Variants in ANLN observed in about 807,000 individuals in gnomAD.
The protein encoded by ANLN is anillin.
Under a neutral mutation model 135.1 loss-of-function variants are expected in ANLN, and 59 were observed. The observed-to-expected ratio is 0.44, with a 90% CI of 0.35 to 0.54. ANLN has a LOEUF of 0.54. Ranked by LOEUF, ANLN falls within the 20% of genes least tolerant of loss-of-function variation. The pLI is 0.00. For synonymous variants in ANLN, 406 were observed against 456.4 expected (o/e 0.89, Z 1.41); for missense variants, 1,182 against 1,340.0 (o/e 0.88, Z 1.84).
chr7:36,411,294 TA>T (rs1271847166), intron 7 of ANLN, 128 bp downstream of exon 7: 10 of 697,398 alleles, frequency 1.4e-5, no homozygotes, highest in African/African-American at 5.5e-5. Context: ...ACTTTTCGTT[TA>T]TAAATCCCTT....
intron 20 of ANLN, among the ~76,000 whole-genome samples, chr7:36,431,778 A>G (rs1468961073): frequency 6.6e-6 from 1 of 151,798 alleles, no homozygotes; most frequent in East Asian, 1.9e-4. Context: ...AGTTCTGATC[A>G]TAAACCCACT....
Position 36,426,918 on chromosome 7 carries a change from A to G in ANLN, c.2773A>G (p.Met925Val). The G allele has an allele frequency of 6.3e-7, 1 of 1,593,314 alleles. No homozygotes were observed. The highest frequency in any genetic ancestry group is 2.3e-5 in the East Asian group (1 of 44,410). Residue 925 changes from methionine to valine, a missense_variant and splice_region_variant, in exon 20 of 24, where the codon ATG becomes GTG. Physicochemically the swap from Met to Val is conservative, Grantham distance 21. Coordinates refer to ENST00000265748, the MANE Select transcript of ANLN (RefSeq NM_018685.5). ...TTKSNIHSSV[M>V]ASPGGLSAVR... is the part of the protein sequence containing the mutation. ...CTTAATTTCCTCGTTCTTCACAGTC[A>G]TGGCCAGTCCAGGAGGTCTTAGTGC...
At chr7:36,441,688 GAA>G (rs1026927548) in intron 21 of ANLN, among the ~76,000 whole-genome samples, 3 of 152,188 alleles carry the variant, frequency 2.0e-5, no homozygotes, top group Non-Finnish European at 4.4e-5. Flanking sequence ...CTATAGAAAT[GAA>G]AAGGCCGTCC....
chr7:36,410,715 C>G lies in ANLN; in HGVS notation c.1287+11C>G. The G allele has an allele frequency of 6.2e-7, 1 of 1,607,628 alleles. No individual in the cohort carries two copies. Among genetic ancestry groups the G allele is most frequent in the Non-Finnish European group, 8.5e-7 (1 of 1,176,626 alleles). ...CAACAGCTCAAGCAGGTATGGTGTA[C>G]TGCATTTAACATTATTCATCACATG... On this transcript the variant is annotated intron_variant, in intron 6 of 23. Transcript: ENST00000265748.
Position 36,422,808 on chromosome 7 carries a change from A to T in ANLN, c.2475A>T (p.Pro825=), listed in dbSNP as rs776867621. The change falls in exon 14 of 24, where the codon CCA becomes CCT. Residue 825 remains proline (P), a splice_region_variant and synonymous_variant. Coordinates refer to ENST00000265748, the MANE Select transcript of ANLN (RefSeq NM_018685.5). ...TTGTCTGCAGTACGGTTCAGAAACC[A>T]GGTATGGTGGTGATTTTTCTAGATT... The part of the protein sequence containing the change: ...ADFVCSTVQK[P]DAANYYYLII... 1 of 1,597,060 alleles carries T rather than the reference A, an allele frequency of 6.3e-7. No homozygotes were observed. The highest frequency in any genetic ancestry group is 8.5e-7 in the Non-Finnish European group (1 of 1,174,586).
intron 2 of ANLN, among the ~76,000 whole-genome samples, 181 bp downstream of exon 2, chr7:36,396,600 A>G (rs1320809708): frequency 6.6e-6 from 1 of 152,188 alleles, no homozygotes; most frequent in East Asian, 1.9e-4. Context: ...CCTAGAACCT[A>G]TAGGGTTGGA....
chr7:36,449,722 A>G lies in ANLN; in HGVS notation c.3136A>G (p.Asn1046Asp), dbSNP rs764607207. The part of the protein sequence containing the change: ...NCTSRQIEPA[N>D]REFCARRNTF... ...TACCAGTCGTCAGATAGAACCAGCCAACAGAGAATTTTGTGCAAGACGCAA... is the reference window on the plus strand; with the variant it reads ...TACCAGTCGTCAGATAGAACCAGCCGACAGAGAATTTTGTGCAAGACGCAA... The change falls in exon 23 of 24, where the codon AAC becomes GAC. Residue 1046 changes from asparagine (N) to aspartate (D), a missense_variant. Asn to Asp is a conservative substitution (Grantham distance 23). Coordinates refer to ENST00000265748, the MANE Select transcript of ANLN (RefSeq NM_018685.5). 2 of 1,614,152 alleles carry G rather than the reference A, an allele frequency of 1.2e-6. No homozygotes were observed. The highest frequency in any genetic ancestry group is 1.7e-6 in the Non-Finnish European group (2 of 1,179,990).
At chr7:36,416,930 G>C in intron 8 of ANLN, 150 bp from the exon 9 acceptor site, 1 of 508,356 alleles carries the variant, frequency 2.0e-6, no homozygotes, top group East Asian at 3.4e-5. Context: ...GGTGTTCAGG[G>C]AGGGGTGTTT....
intron 5 of ANLN, among the ~76,000 whole-genome samples, chr7:36,409,638 T>A (rs1673323087): frequency 2.0e-5 from 3 of 152,254 alleles, no homozygotes; most frequent in South Asian, 4.1e-4. Flanking sequence ...ACTATTTCAA[T>A]GAGTGCTGTG....
At chr7:36,400,291 C>T (rs957666506) in intron 3 of ANLN, among the ~76,000 whole-genome samples, 1 of 152,134 alleles carries the variant, frequency 6.6e-6, no homozygotes, top group Admixed American at 6.6e-5. Context: ...TTGTGGGAGC[C>T]GATAAACCTA....
At position 36,389,898 on chromosome 7, in the gene ANLN, G is replaced by T; in HGVS notation, c.-129G>T. ...TGGAAGCCGAGAGGAGAGGACAGCTGGTTGTGGGAGAGTTCCCCCGCCTCA... is the reference window on the plus strand; with the variant it reads ...TGGAAGCCGAGAGGAGAGGACAGCTTGTTGTGGGAGAGTTCCCCCGCCTCA... On this transcript the variant is annotated 5_prime_UTR_variant, in exon 1 of 24. Coordinates refer to ENST00000265748, the MANE Select transcript of ANLN (RefSeq NM_018685.5). The T allele has an allele frequency of 1.3e-6, 2 of 1,541,456 alleles. No individual in the cohort carries two copies. The highest frequency in any genetic ancestry group is 1.1e-5 in the South Asian group (1 of 88,852).
At chr7:36,450,215 A>G (rs188126095) in intron 23 of ANLN, among the ~76,000 whole-genome samples, 10 of 152,320 alleles carry the variant, frequency 6.6e-5, no homozygotes, top group African/African-American at 1.7e-4. Flanking sequence ...GTGTAATCAG[A>G]TGACTCACAG....
At chr7:36,418,747 CTTTTTTCTTTT>C (rs1173343500) in intron 9 of ANLN, among the ~76,000 whole-genome samples, 1 of 135,132 alleles carries the variant, frequency 7.4e-6, no homozygotes, top group Non-Finnish European at 1.7e-5. Context: ...TTTTCTTTTT[CTTTTTTCTTTT>C]TTTTTTTTGT....
chr7:36,399,443 CA>C, intron 3 of ANLN, 50 bp downstream of exon 3: 1 of 1,448,866 alleles, frequency 6.9e-7, no homozygotes, highest in South Asian at 1.4e-5. Flanking sequence ...CAATAAGATT[CA>C]GTTTGGTATG....
intron 20 of ANLN, among the ~76,000 whole-genome samples, chr7:36,432,057 A>G (rs1479019858): frequency 6.6e-6 from 1 of 152,090 alleles, no homozygotes; most frequent in Non-Finnish European, 1.5e-5. Flanking sequence ...TTTTTTCATC[A>G]AAGAATAAAA....
In ANLN at chr7:36,407,726, T is replaced by A; in HGVS notation, c.874-8T>A. On this transcript the variant is annotated splice_polypyrimidine_tract_variant and splice_region_variant and intron_variant, in intron 4 of 23. Transcript: ENST00000265748. ...ATGTTGTTTACCCTAAGTGTTTTCA[T>A]GTTTCAGAAAGCTACTTCTCCAGTG... 1 of 1,579,012 alleles carries A rather than the reference T, an allele frequency of 6.3e-7. No individual in the cohort carries two copies. Among genetic ancestry groups the A allele is most frequent in the Non-Finnish European group, 8.6e-7 (1 of 1,157,816 alleles).
At chr7:36,430,742 T>C (rs1788279053) in intron 20 of ANLN, among the ~76,000 whole-genome samples, 2 of 152,182 alleles carry the variant, frequency 1.3e-5, no homozygotes, top group African/African-American at 4.8e-5. Context: ...CTTGTGTAAT[T>C]ATTAATGGTG....
At position 36,415,699 on chromosome 7, in the gene ANLN, A is replaced by G. The variant is rs1787609129; in HGVS notation, c.1396-59A>G. Reference sequence around the variant, plus strand: ...ATAATCTTGTTTCATTTAATAACATAGAAAGATAAAATATATAGTTTTGAG... The same window carrying G: ...ATAATCTTGTTTCATTTAATAACATGGAAAGATAAAATATATAGTTTTGAG... On this transcript the variant is annotated intron_variant, in intron 7 of 23. Coordinates refer to ENST00000265748, the MANE Select transcript of ANLN (RefSeq NM_018685.5). 3.5e-5 allele frequency: 51 copies of G among 1,469,306 alleles called. 2 individuals carry two copies. In the South Asian group the frequency reaches 7.2e-4, roughly 21 times the overall value. 91.0% of individuals were successfully genotyped at this position (1,469,306 alleles called of 1,614,324 possible).
intron 7 of ANLN, among the ~76,000 whole-genome samples, chr7:36,411,898 C>T (rs985928318): frequency 7.9e-5 from 12 of 152,018 alleles, no homozygotes; most frequent in South Asian, 2.1e-4. Context: ...ACCTAGATTC[C>T]GATAATCACT....
Sources: gnomAD v4.1 joint callset for allele counts (sites outside exome capture counted in the v4.1 genomes callset) on GRCh38, gnomAD v4.1.1 for gene constraint, MANE v1.5 for transcripts, NCBI Gene and HGNC (gene_info 2026-07-23, HGNC 2026-07-21) for gene names.